Variants in DPM1 observed in about 807,000 individuals in gnomAD.
DPM1 encodes dolichol-phosphate mannosyltransferase subunit 1.
DPM1 carries 27 observed loss-of-function variants against 39.0 expected under a neutral mutation model. That is an observed-to-expected ratio of 0.69 (90% CI 0.51 to 0.95). The LOEUF (loss-of-function observed/expected upper bound fraction) is 0.95. Among genes scored for constraint, DPM1 ranks in the 40% least tolerant of loss-of-function variants. The pLI, the probability that DPM1 is intolerant of heterozygous loss-of-function variation, is 0.00. For missense variants in DPM1, 307 were observed against 315.6 expected (o/e 0.97, Z 0.21); for synonymous variants, 124 against 109.0 (o/e 1.14, Z -0.86).
intron 1 of DPM1, 112 bp downstream of exon 1, chr20:50,958,251 T>C (rs1986941344): frequency 2.8e-6 from 4 of 1,432,866 alleles, no homozygotes; most frequent in East Asian, 2.4e-5. Flanking sequence ...CGGGCCTTCC[T>C]GTGTGAGGCA....
intron 7 of DPM1, among the ~76,000 whole-genome samples, chr20:50,937,889 T>G (rs2123069675): frequency 6.6e-6 from 1 of 152,256 alleles, no homozygotes; most frequent in East Asian, 1.9e-4. Context: ...TTGCCAGAGC[T>G]GGGGTCTTAA....
chr20:50,951,307 G>A (rs557318252), intron 2 of DPM1, among the ~76,000 whole-genome samples: 1 of 152,294 alleles, frequency 6.6e-6, no homozygotes. Flanking sequence ...AGGTGAGCTG[G>A]TGACAAAAGA....
chr20:50,941,798 C>T (rs552564456), intron 6 of DPM1, among the ~76,000 whole-genome samples: 19 of 152,226 alleles, frequency 1.2e-4, no homozygotes, highest in Non-Finnish European at 2.1e-4. Flanking sequence ...GTAACTTTTG[C>T]TGAATGAGAC....
intron 6 of DPM1, chr20:50,941,186 G>A (rs1385905532): frequency 5.4e-6 from 2 of 372,038 alleles, no homozygotes; most frequent in Admixed American, 1.0e-4. Flanking sequence ...TGACCAGCCT[G>A]GGCAACATGG....
Position 50,940,849 on chromosome 20 carries a change from G to C in DPM1, c.563+16C>G, listed in dbSNP as rs1985666955. The C allele has an allele frequency of 1.2e-6, 2 of 1,601,388 alleles. No homozygotes were observed. Reference sequence around the variant, plus strand: ...GCCAAGAAGTTATATAAAAGTAGTGGAAATTTTCACTGTACCTGAAACTTC... The same window carrying C: ...GCCAAGAAGTTATATAAAAGTAGTGCAAATTTTCACTGTACCTGAAACTTC... On this transcript the variant is annotated intron_variant, in intron 7 of 8. Coordinates refer to ENST00000371588, the MANE Select transcript of DPM1 (RefSeq NM_003859.3).
At chr20:50,940,047 T>A (rs1985578550) in intron 7 of DPM1, among the ~76,000 whole-genome samples, 1 of 151,932 alleles carries the variant, frequency 6.6e-6, no homozygotes, top group Admixed American at 6.6e-5. Context: ...CTAGAGAGGC[T>A]TCATTTTTCT....
Position 50,936,202 on chromosome 20 carries a change from G to A in DPM1, c.624C>T (p.Val208=). The change falls in exon 8 of 9, where the codon GTC becomes GTT. Residue 208 remains valine, a synonymous_variant. Transcript: ENST00000371588. ...LIEKCVSKGY[V]FQMEMIVRAR... ...CCCGAACAATCATCTCCATCTGGAA[G>A]ACGTAGCCTTTAGAAACACATTTTT... 6.2e-7 allele frequency: 1 copy of A among 1,613,748 alleles called. No individual in the cohort carries two copies. Among genetic ancestry groups the A allele is most frequent in the Non-Finnish European group, 8.5e-7 (1 of 1,179,810 alleles).
chr20:50,940,944 A>C lies in DPM1; in HGVS notation c.495-11T>G. 6.2e-7 allele frequency: 1 copy of C among 1,613,374 alleles called. No individual in the cohort carries two copies. The highest frequency in any genetic ancestry group is 8.5e-7 in the Non-Finnish European group (1 of 1,179,434). On this transcript the variant is annotated splice_polypyrimidine_tract_variant and intron_variant, in intron 6 of 8. Transcript: ENST00000371588. ...AAATTGGCCCCACGGCTGCCAAATAAAACAATCAGATCTTCTTTACAAAAT... is the reference window on the plus strand; with the variant it reads ...AAATTGGCCCCACGGCTGCCAAATACAACAATCAGATCTTCTTTACAAAAT...
chr20:50,955,391 A>G (rs1986775643), intron 1 of DPM1, 106 bp from the exon 2 acceptor site: 1 of 795,500 alleles, frequency 1.3e-6, no homozygotes, highest in Non-Finnish European at 2.1e-6. Context: ...ATGTATTGCT[A>G]TATTAATCGT....
intron 1 of DPM1, 120 bp from the exon 2 acceptor site, chr20:50,955,405 G>T: frequency 1.4e-6 from 1 of 726,238 alleles, no homozygotes; most frequent in Non-Finnish European, 2.3e-6. Flanking sequence ...TAATCGTTGA[G>T]GAAAACTTCA....
intron 8 of DPM1, among the ~76,000 whole-genome samples, chr20:50,935,840 G>A (rs986213183): frequency 6.6e-6 from 1 of 152,008 alleles, no homozygotes; most frequent in African/African-American, 2.4e-5. Context: ...GGCCATTGGC[G>A]GTGACAAAAG....
At chr20:50,958,299 CCGACA>C (rs1173110363) in intron 1 of DPM1, 59 bp downstream of exon 1, 143 of 1,594,488 alleles carry the variant, frequency 9.0e-5, no homozygotes, top group South Asian at 2.0e-4. Flanking sequence ...CAGCCAGCTG[CCGACA>C]CCCGGGCCGG....
intron 5 of DPM1, among the ~76,000 whole-genome samples, chr20:50,943,678 T>C (rs1460117653): frequency 6.6e-6 from 1 of 150,412 alleles, no homozygotes; most frequent in Non-Finnish European, 1.5e-5. Context: ...TTTTTATAAA[T>C]GTATTACTGC....
At chr20:50,937,609 A>G (rs1342608724) in intron 7 of DPM1, among the ~76,000 whole-genome samples, 1 of 151,936 alleles carries the variant, frequency 6.6e-6, no homozygotes, top group African/African-American at 2.4e-5. Context: ...CTTTATTTAT[A>G]TATTTGTATT....
chr20:50,945,825 A>G, intron 4 of DPM1, 22 bp downstream of exon 4: 2 of 1,612,154 alleles, frequency 1.2e-6, no homozygotes, highest in East Asian at 2.2e-5. Context: ...ATAAATAGCT[A>G]ATAAAGAAAC....
Position 50,958,416 on chromosome 20 carries a change from C to G in DPM1, c.108G>C (p.Glu36Asp). The G allele has an allele frequency of 6.2e-7, 1 of 1,614,106 alleles. No homozygotes were observed. Among genetic ancestry groups the G allele is most frequent in the Non-Finnish European group, 8.5e-7 (1 of 1,180,042 alleles). The change falls in exon 1 of 9, where the codon GAG (glutamate) becomes GAC (aspartate). Residue 36 changes from glutamate (E) to aspartate (D), a missense_variant. Physicochemically the swap from Glu to Asp is conservative, Grantham distance 45 (BLOSUM62 2). Coordinates refer to ENST00000371588, the MANE Select transcript of DPM1 (RefSeq NM_003859.3). ...KYSVLLPTYN[E>D]RENLPLIVWL... The stretch of plus-strand genomic sequence containing the variant: ...ACACGATGAGCGGCAGGTTCTCGCG[C>G]TCGTTGTAGGTAGGTAAAAGCACCG...
chr20:50,945,781 A>G lies in DPM1; in HGVS notation c.373-19T>C. ...ATTTTGGCTGAAATTTGAAAAGAAT[A>G]AACAGTAAGTCAGTAAAACAGGCTA... is the stretch of plus-strand genomic sequence containing the variant. On this transcript the variant is annotated intron_variant, in intron 4 of 8. Coordinates refer to ENST00000371588, the MANE Select transcript of DPM1 (RefSeq NM_003859.3). The G allele has an allele frequency of 6.2e-7, 1 of 1,607,594 alleles. No individual in the cohort carries two copies. Among genetic ancestry groups the G allele is most frequent in the Non-Finnish European group, 8.5e-7 (1 of 1,174,468 alleles).
intron 5 of DPM1, 151 bp downstream of exon 5, chr20:50,945,586 C>A: frequency 1.3e-6 from 1 of 769,140 alleles, no homozygotes; most frequent in Non-Finnish European, 2.1e-6. Context: ...TCAAGCAACC[C>A]TCCTACCCTG....
chr20:50,940,551 A>C (rs1296995624), intron 7 of DPM1, among the ~76,000 whole-genome samples: 1 of 152,252 alleles, frequency 6.6e-6, no homozygotes, highest in Non-Finnish European at 1.5e-5. Context: ...ATTCATATGA[A>C]ATGCAGAAAA....
Sources: gnomAD v4.1 joint callset for allele counts (sites outside exome capture counted in the v4.1 genomes callset) on GRCh38, gnomAD v4.1.1 for gene constraint, MANE v1.5 for transcripts, NCBI Gene and HGNC (gene_info 2026-07-23, HGNC 2026-07-21) for gene names.